The following ANP32A variants were observed in gnomAD, a reference collection of about 807,000 sequenced individuals.
ANP32A encodes the protein acidic nuclear phosphoprotein 32 family member A.
In ANP32A, 1 loss-of-function variant was observed where a neutral mutation model predicts 33.9. That is an observed-to-expected ratio of 0.03 (90% confidence interval 0.01 to 0.14). The LOEUF (loss-of-function observed/expected upper bound fraction) is 0.14. ANP32A is among the 10% of genes least tolerant of loss of function. The pLI, the probability that ANP32A is intolerant of heterozygous loss-of-function variation, is 1.00. For synonymous variants in ANP32A, 115 were observed against 120.5 expected (o/e 0.95, Z 0.30); for missense variants, 155 against 306.0 (o/e 0.51, Z 3.68).
At position 68,778,761 on chromosome 15, in the gene ANP32A, T is replaced by G. The variant is rs1259612846; in HGVS notation, c.*1320A>C. 6.6e-6 allele frequency: 1 copy of G among 152,124 alleles called. No individual in the cohort carries two copies. Among genetic ancestry groups the G allele is most frequent in the Admixed American group, 6.6e-5 (1 of 15,262 alleles). The allele number at this position is 152,124 out of a possible 1,614,324, so 9.4% of individuals were successfully genotyped here. A position where few individuals can be genotyped will look rare whatever the true frequency, so the allele number is the denominator to read the frequency against. Reference sequence around the variant, plus strand: ...CTTTAAGACCAAAAATATCCAAACATAGTATCACATTATATATATCTCATA... The same window carrying G: ...CTTTAAGACCAAAAATATCCAAACAGAGTATCACATTATATATATCTCATA... On this transcript the variant is annotated 3_prime_UTR_variant, in exon 7 of 7. Transcript: ENST00000465139.
chr15:68,794,537 T>C (rs1262340059), intron 1 of ANP32A, among the ~76,000 whole-genome samples: 1 of 152,226 alleles, frequency 6.6e-6, no homozygotes, highest in Non-Finnish European at 1.5e-5. Flanking sequence ...TGACCCTGTG[T>C]TTTTTGGTGC....
chr15:68,798,711 G>A (rs1003489435), intron 1 of ANP32A, among the ~76,000 whole-genome samples: 2 of 152,322 alleles, frequency 1.3e-5, no homozygotes, highest in African/African-American at 4.8e-5. Flanking sequence ...CCAGACCTGA[G>A]CTCAGCCCCT....
At chr15:68,808,025 G>A (rs759144521) in intron 1 of ANP32A, among the ~76,000 whole-genome samples, 1 of 152,210 alleles carries the variant, frequency 6.6e-6, no homozygotes, top group Non-Finnish European at 1.5e-5. Flanking sequence ...CATGGTGGTG[G>A]GGATGTGGGG....
At chr15:68,794,216 A>T (rs988915693) in intron 1 of ANP32A, among the ~76,000 whole-genome samples, 2 of 152,174 alleles carry the variant, frequency 1.3e-5, no homozygotes, top group African/African-American at 4.8e-5. Flanking sequence ...AAGGCACAAG[A>T]ATGGAAACGA....
chr15:68,786,740 C>G (rs1337384796), intron 3 of ANP32A, among the ~76,000 whole-genome samples: 5 of 152,194 alleles, frequency 3.3e-5, no homozygotes, highest in African/African-American at 9.7e-5. Flanking sequence ...ACATGACCTG[C>G]CCCTTTCTGG....
chr15:68,818,568 G>A (rs1267240370), intron 1 of ANP32A, among the ~76,000 whole-genome samples: 1 of 152,090 alleles, frequency 6.6e-6, no homozygotes, highest in Non-Finnish European at 1.5e-5. Context: ...GAGGCGAGGG[G>A]GCGAAGCGTG....
In ANP32A at chr15:68,779,393, T is replaced by C. The variant is rs1401323093; in HGVS notation, c.*688A>G. 6.6e-6 allele frequency: 1 copy of C among 152,236 alleles called. No homozygotes were observed. The highest frequency in any genetic ancestry group is 1.5e-5 in the Non-Finnish European group (1 of 68,030). The allele number at this position is 152,236 out of a possible 1,614,324, so 9.4% of individuals were successfully genotyped here. The stretch of plus-strand genomic sequence containing the variant: ...TTCTAATTTTAATTACCAAATCCAT[T>C]TTCCTTGTAACTTAACACAACAAGC... On this transcript the variant is annotated 3_prime_UTR_variant, in exon 7 of 7. Coordinates refer to ENST00000465139, the MANE Select transcript of ANP32A (RefSeq NM_006305.4).
At chr15:68,814,079 C>T (rs1180567982) in intron 1 of ANP32A, among the ~76,000 whole-genome samples, 1 of 152,012 alleles carries the variant, frequency 6.6e-6, no homozygotes, top group Non-Finnish European at 1.5e-5. Context: ...CCGTGTTAGC[C>T]AGGATGGTCT....
chr15:68,787,328 A>AG, intron 3 of ANP32A, 85 bp downstream of exon 3: 2 of 1,577,122 alleles, frequency 1.3e-6, no homozygotes, highest in Non-Finnish European at 1.7e-6. Context: ...AAGTGGGAAA[A>AG]GGACAAATGC....
chr15:68,814,370 G>A (rs1221436887), intron 1 of ANP32A, among the ~76,000 whole-genome samples: 8 of 151,392 alleles, frequency 5.3e-5, no homozygotes, highest in Admixed American at 4.6e-4. Context: ...GACCAGCCTG[G>A]GCAACACGGC....
At chr15:68,797,075 T>TATC (rs1894072996) in intron 1 of ANP32A, among the ~76,000 whole-genome samples, 1 of 152,252 alleles carries the variant, frequency 6.6e-6, no homozygotes, top group South Asian at 2.1e-4. Flanking sequence ...TCTTAAAACA[T>TATC]ATCAGCACCC....
intron 1 of ANP32A, among the ~76,000 whole-genome samples, chr15:68,800,523 T>C (rs1228301739): frequency 6.7e-6 from 1 of 150,102 alleles, no homozygotes; most frequent in African/African-American, 2.4e-5. Context: ...GGCTGGCGGA[T>C]CATGAGGTCA....
chr15:68,820,620 TC>T (rs1463758552), intron 1 of ANP32A, 77 bp downstream of exon 1: 3 of 660,366 alleles, frequency 4.5e-6, no homozygotes, highest in Non-Finnish European at 5.8e-6. Flanking sequence ...AAAAAGTGCC[TC>T]CCCCCAGCGC....
In ANP32A at chr15:68,794,542, T is replaced by C. The variant is rs570367861; in HGVS notation, c.55-6623A>G. 9.2e-5 allele frequency among the ~76,000 whole-genome samples: 14 copies of C among 152,366 alleles called. No individual in the cohort carries two copies. The South Asian group carries it at 2.7e-3, about 29-fold the overall frequency. ...CATATCAAATTGACCCTGTGTTTTT[T>C]GGTGCTCGTGGGTTTTAAATAGGTC... is the stretch of plus-strand genomic sequence containing the variant. On this transcript the variant is annotated intron_variant, in intron 1 of 6. Transcript: ENST00000465139.
chr15:68,801,966 G>T (rs1417211095), intron 1 of ANP32A: 1 of 153,828 alleles, frequency 6.5e-6, no homozygotes, highest in Non-Finnish European at 1.5e-5. Context: ...ACCAACGGAA[G>T]GGACTGCAGA....
intron 3 of ANP32A, 51 bp downstream of exon 3, chr15:68,787,362 A>T: frequency 6.2e-7 from 1 of 1,612,712 alleles, no homozygotes; most frequent in East Asian, 2.2e-5. Context: ...GCTGATGCCA[A>T]TTCCTCCCAC....
intron 1 of ANP32A, among the ~76,000 whole-genome samples, chr15:68,797,124 TACA>T (rs1312335310): frequency 2.0e-5 from 3 of 152,266 alleles, no homozygotes; most frequent in East Asian, 3.9e-4. Context: ...TAAAATTAAT[TACA>T]ACAAGTTTTT....
intron 5 of ANP32A, chr15:68,781,224 A>T (rs1347892867): frequency 6.6e-6 from 1 of 152,174 alleles, no homozygotes; most frequent in East Asian, 1.9e-4. Context: ...ATTCTTTTAA[A>T]ATGTCACCAA....
intron 1 of ANP32A, among the ~76,000 whole-genome samples, chr15:68,810,253 G>A (rs1596074717): frequency 6.6e-6 from 1 of 152,162 alleles, no homozygotes; most frequent in East Asian, 1.9e-4. Context: ...TTAAGTATGG[G>A]GTGACATTAC....
Sources: allele counts gnomAD v4.1 joint callset (sites outside exome capture counted in the v4.1 genomes callset), GRCh38; gene constraint gnomAD v4.1.1; transcripts MANE v1.5; gene names NCBI Gene and HGNC (gene_info 2026-07-23, HGNC 2026-07-21).